The following PARG variants were observed in gnomAD, a reference collection of about 807,000 sequenced individuals.
PARG encodes the protein mitochondrial poly(ADP-ribose) glycohydrolase.
In PARG, 35 loss-of-function variants were observed where a neutral mutation model predicts 113.0. The ratio of observed to expected loss-of-function variants is 0.31; its 90% CI spans 0.24 to 0.41. The LOEUF is 0.41. Ranked by LOEUF, PARG falls within the 10% of genes least tolerant of loss-of-function variation. The pLI is 1.00. For synonymous variants in PARG, 330 were observed against 409.9 expected (o/e 0.81, Z 2.36); for missense variants, 797 against 1,169.4 (o/e 0.68, Z 4.64).
chr10:49,900,774 C>T (rs1223529203), intron 7 of PARG, among the ~76,000 whole-genome samples: 10 of 151,632 alleles, frequency 6.6e-5, no homozygotes, highest in African/African-American at 2.4e-4. Flanking sequence ...TTTCTCACTT[C>T]TATTACTGTA....
chr10:49,893,202 A>G lies in PARG; in HGVS notation c.1738-7907T>C, dbSNP rs1309852865. On this transcript the variant is annotated intron_variant, in intron 7 of 17. Transcript: ENST00000616448. ...TAGTACATTTTAAACTCCCAACAAC[A>G]AAGTATGAGAGTTGCAACTGCTCCA... is the stretch of plus-strand genomic sequence containing the variant. Among the ~76,000 whole-genome samples, 4 of 152,250 alleles carry G rather than the reference A, an allele frequency of 2.6e-5. No homozygotes were observed. The South Asian group carries it at 8.3e-4, about 32-fold the overall frequency.
Position 49,897,717 on chromosome 10 carries a change from C to G in PARG, c.1738-12422G>C, listed in dbSNP as rs147065591. Among the ~76,000 whole-genome samples the G allele has an allele frequency of 5.6e-3, 847 of 152,272 alleles. 4 individuals are homozygous for G. Among genetic ancestry groups the G allele is most frequent in the African/African-American group, 0.015 (628 of 41,538 alleles). Reference sequence around the variant, plus strand: ...TAAGCAATTTGTCCACATTCAAAAACTTAGTGGTGGTTGGGGGCAGTGGCT... The same window carrying G: ...TAAGCAATTTGTCCACATTCAAAAAGTTAGTGGTGGTTGGGGGCAGTGGCT... On this transcript the variant is annotated intron_variant, in intron 7 of 17. Transcript: ENST00000616448.
intron 1 of PARG, among the ~76,000 whole-genome samples, chr10:49,937,424 G>A (rs1284269659): frequency 6.6e-6 from 1 of 151,262 alleles, no homozygotes; most frequent in Non-Finnish European, 1.5e-5. Context: ...TGCAGTGAGC[G>A]GAGATCGCGC....
rs1436865821 is a variant in PARG, at chr10:49,920,462, AAATATATATAT to A, written c.1662+1863_1662+1873del. 1.9e-4 allele frequency among the ~76,000 whole-genome samples: 10 copies of A among 52,054 alleles called. 1 individual carries two copies. Among genetic ancestry groups the A allele is most frequent in the East Asian group, 1.2e-3 (3 of 2,542 alleles). 34.1% of individuals were successfully genotyped at this position (52,054 alleles called of 152,430 possible). On this transcript the variant is annotated intron_variant, in intron 6 of 17. Coordinates refer to ENST00000616448, the MANE Select transcript of PARG (RefSeq NM_003631.5). ...ACCCAGCCTCAAATTAAAAAAAAAA[AAATATATATAT>A]ATATATATATATATATATATATATA...
chr10:49,930,219 C>T (rs1324883174), intron 4 of PARG, among the ~76,000 whole-genome samples: 7 of 150,988 alleles, frequency 4.6e-5, no homozygotes, highest in Non-Finnish European at 1.5e-5. Context: ...ACAAGTTTTT[C>T]ACTGTTAAAA....
intron 16 of PARG, among the ~76,000 whole-genome samples, chr10:49,831,233 A>AAT (rs1844644716): frequency 6.6e-6 from 1 of 151,876 alleles, no homozygotes; most frequent in Non-Finnish European, 1.5e-5. Context: ...GATTAAAAAA[A>AAT]AATAATAAAT....
rs1161619171 is a variant in PARG, at chr10:49,873,377, G to A, written c.1989-3822C>T. Among the ~76,000 whole-genome samples the A allele has an allele frequency of 3.6e-4, 50 of 137,436 alleles. 1 individual carries two copies. Among genetic ancestry groups the A allele is most frequent in the African/African-American group, 1.1e-3 (42 of 36,868 alleles). The allele number at this position is 137,436 out of a possible 152,430, so 90.2% of individuals were successfully genotyped here. A position where few individuals can be genotyped will look rare whatever the true frequency, so the allele number is the denominator to read the frequency against. On this transcript the variant is annotated intron_variant, in intron 9 of 17. Transcript: ENST00000616448. ...CTTAACAAATGGCTCATCAGATTAC[G>A]TACTGGATCTTTCAGAAGCCACATA...
At chr10:49,897,140 C>T (rs1485673703) in intron 7 of PARG, among the ~76,000 whole-genome samples, 1 of 152,138 alleles carries the variant, frequency 6.6e-6, no homozygotes, top group East Asian at 1.9e-4. Context: ...ACTATTTGCA[C>T]CTCCTGACTT....
At chr10:49,914,590 A>G (rs1238512468) in intron 7 of PARG, among the ~76,000 whole-genome samples, 2 of 152,228 alleles carry the variant, frequency 1.3e-5, no homozygotes, top group Non-Finnish European at 2.9e-5. Flanking sequence ...AGAAAGTAAC[A>G]AATTAATCCT....
chr10:49,915,829 T>C (rs1837440147), intron 7 of PARG, 88 bp downstream of exon 7: 2 of 705,684 alleles, frequency 2.8e-6, no homozygotes, highest in Non-Finnish European at 5.0e-6. Context: ...GATAATTATC[T>C]TAGTGTGGCA....
At chr10:49,887,323 A>G (rs1431527478) in intron 7 of PARG, among the ~76,000 whole-genome samples, 6 of 152,126 alleles carry the variant, frequency 3.9e-5, no homozygotes, top group Non-Finnish European at 7.4e-5. Context: ...CATACTAAAA[A>G]CCAGGAATAC....
chr10:49,903,063 G>C (rs1197612456), intron 7 of PARG, among the ~76,000 whole-genome samples: 5 of 151,756 alleles, frequency 3.3e-5, no homozygotes, highest in African/African-American at 4.8e-5. Context: ...TTGACCTCGT[G>C]ATCTGCTTGC....
intron 8 of PARG, among the ~76,000 whole-genome samples, chr10:49,883,085 A>AT (rs1412204764): frequency 2.6e-5 from 4 of 152,222 alleles, no homozygotes. Context: ...GGCACAATGC[A>AT]TTACTGAGGT....
At chr10:49,921,634 A>G (rs1291537753) in intron 6 of PARG, among the ~76,000 whole-genome samples, 1 of 152,026 alleles carries the variant, frequency 6.6e-6, no homozygotes, top group Non-Finnish European at 1.5e-5. Flanking sequence ...ACAACAAATT[A>G]AGTCTCTGAA....
intron 8 of PARG, among the ~76,000 whole-genome samples, chr10:49,880,182 G>A (rs1425249463): frequency 6.6e-6 from 1 of 152,142 alleles, no homozygotes; most frequent in Admixed American, 6.5e-5. Flanking sequence ...ATATAACATT[G>A]TTTAAGCTAA....
At chr10:49,837,734 T>A (rs890749114) in intron 15 of PARG, among the ~76,000 whole-genome samples, 2 of 152,348 alleles carry the variant, frequency 1.3e-5, no homozygotes, top group Admixed American at 1.3e-4. Context: ...TAATTCCTTG[T>A]TAAAATAACA....
rs1554832806 is a variant in PARG at position 49,843,680 on chromosome 10, AC to A, written c.2354-49del. 2.5e-6 allele frequency: 3 copies of A among 1,207,314 alleles called. No homozygotes were observed. In the Admixed American group the frequency reaches 5.9e-5, roughly 24 times the overall value. The allele number at this position is 1,207,314 out of a possible 1,614,324, so 74.8% of individuals were successfully genotyped here. ...ATTAACTTCACACTTGATGGCAAAAACATTCCACCTTTCATAACATGGCAAG... is the reference window on the plus strand; with the variant it reads ...ATTAACTTCACACTTGATGGCAAAAAATTCCACCTTTCATAACATGGCAAG... On this transcript the variant is annotated intron_variant, in intron 13 of 17. Transcript: ENST00000616448.
chr10:49,874,293 G>A (rs571215546), intron 9 of PARG, among the ~76,000 whole-genome samples: 70 of 151,994 alleles, frequency 4.6e-4, no homozygotes, highest in Non-Finnish European at 7.6e-4. Context: ...CTAAAATAAG[G>A]CATTACATAA....
At chr10:49,864,917 TAA>T (rs1846422836) in intron 11 of PARG, among the ~76,000 whole-genome samples, 1 of 132,036 alleles carries the variant, frequency 7.6e-6, no homozygotes, top group Non-Finnish European at 1.6e-5. Context: ...ATGTAAATAA[TAA>T]AAAGACTTTT....
Sources: allele counts gnomAD v4.1 joint callset (sites outside exome capture counted in the v4.1 genomes callset), GRCh38; gene constraint gnomAD v4.1.1; transcripts MANE v1.5; gene names NCBI Gene and HGNC (gene_info 2026-07-23, HGNC 2026-07-21).